The following IPO7 variants were observed in gnomAD, a reference collection of about 807,000 sequenced individuals.
IPO7 encodes importin-7.
IPO7 carries 13 observed loss-of-function variants against 136.4 expected under a neutral mutation model. The observed-to-expected ratio is 0.10, with a 90% CI of 0.06 to 0.15. IPO7 has a LOEUF of 0.15. Among genes scored for constraint, IPO7 ranks in the 10% least tolerant of loss-of-function variants. The probability of loss-of-function intolerance (pLI) is 1.00; values close to 1 mark genes in which losing one functional copy is unlikely to be tolerated. For synonymous variants in IPO7, 403 were observed against 404.4 expected (o/e 1.00, Z 0.04); for missense variants, 857 against 1,240.6 (o/e 0.69, Z 4.65).
At chr11:9,404,456 G>A (rs1317448120) in intron 2 of IPO7, among the ~76,000 whole-genome samples, 1 of 151,066 alleles carries the variant, frequency 6.6e-6, no homozygotes, top group East Asian at 2.0e-4. Context: ...CAGAGTGAGA[G>A]ACCATCTCAA....
rs753431527 is a variant in IPO7 at position 9,440,664 on chromosome 11, A to C, written c.2902+3A>C. The C allele has an allele frequency of 3.8e-6, 6 of 1,594,608 alleles. No homozygotes were observed. The highest frequency in any genetic ancestry group is 5.2e-6 in the Non-Finnish European group (6 of 1,162,692). The stretch of plus-strand genomic sequence containing the variant: ...GATATTTAAAGCTATCTTTCAAAGT[A>C]AGTCAACTTGTTACATGTGGATCCA... On this transcript the variant is annotated splice_donor_region_variant and intron_variant, in intron 23 of 24. Coordinates refer to ENST00000379719, the MANE Select transcript of IPO7 (RefSeq NM_006391.3).
At chr11:9,388,544 T>C (rs1052288197) in intron 1 of IPO7, among the ~76,000 whole-genome samples, 5 of 150,356 alleles carry the variant, frequency 3.3e-5, no homozygotes, top group African/African-American at 1.2e-4. Flanking sequence ...AGTGGCACCA[T>C]CATGGCTCAC....
At chr11:9,397,341 A>AAAAAAAAAAAT in intron 1 of IPO7, among the ~76,000 whole-genome samples, 1 of 10,762 alleles carries the variant, frequency 9.3e-5, no homozygotes, top group Non-Finnish European at 1.8e-4. Context: ...TTTAAAAAAA[A>AAAAAAAAAAAT]ATATATATAT....
rs180972936 is a variant in IPO7 at position 9,407,216 on chromosome 11, A to G, written c.167-1270A>G. On this transcript the variant is annotated intron_variant, in intron 2 of 24. Coordinates refer to ENST00000379719, the MANE Select transcript of IPO7 (RefSeq NM_006391.3). ...TGGAGAAAAAGAACCAAAATTCTGTAGTAGTAATAACCTGGACTTTGTTGG... is the reference window on the plus strand; with the variant it reads ...TGGAGAAAAAGAACCAAAATTCTGTGGTAGTAATAACCTGGACTTTGTTGG... Among the ~76,000 whole-genome samples, 25 of 152,338 alleles carry G rather than the reference A, an allele frequency of 1.6e-4. No homozygotes were observed. In the South Asian group the frequency reaches 4.8e-3, roughly 29 times the overall value.
intron 14 of IPO7, 69 bp from the exon 15 acceptor site, chr11:9,429,605 A>T: frequency 7.8e-7 from 1 of 1,274,954 alleles, no homozygotes. Flanking sequence ...AAACTCATCG[A>T]TATTTGTTAT....
rs1411949394 is a variant in IPO7 at position 9,447,177 on chromosome 11, A to T, written c.*1983A>T. 1.3e-5 allele frequency: 2 copies of T among 152,210 alleles called. No individual in the cohort carries two copies. The highest frequency in any genetic ancestry group is 2.9e-5 in the Non-Finnish European group (2 of 68,024). The allele number at this position is 152,210 out of a possible 1,614,324, so 9.4% of individuals were successfully genotyped here. A position where few individuals can be genotyped will look rare whatever the true frequency, so the allele number is the denominator to read the frequency against. ...TCAGACTTCACTGCTTTTTGAATTC[A>T]TAATTCTAATTTTCACATTATTGTT... On this transcript the variant is annotated 3_prime_UTR_variant, in exon 25 of 25. Coordinates refer to ENST00000379719, the MANE Select transcript of IPO7 (RefSeq NM_006391.3).
intron 22 of IPO7, among the ~76,000 whole-genome samples, chr11:9,438,983 A>T (rs1477880044): frequency 6.6e-6 from 1 of 152,164 alleles, no homozygotes; most frequent in Non-Finnish European, 1.5e-5. Flanking sequence ...GCGAGAGATT[A>T]TAGTTCCCTT....
At chr11:9,386,693 A>C (rs1176233268) in intron 1 of IPO7, among the ~76,000 whole-genome samples, 1 of 152,202 alleles carries the variant, frequency 6.6e-6, no homozygotes, top group African/African-American at 2.4e-5. Flanking sequence ...ATGCACTAAC[A>C]TCTTGTAGTA....
At chr11:9,417,370 T>C (rs1474657507) in intron 6 of IPO7, among the ~76,000 whole-genome samples, 1 of 152,144 alleles carries the variant, frequency 6.6e-6, no homozygotes, top group Non-Finnish European at 1.5e-5. Flanking sequence ...AAATATATTA[T>C]TGGTTTAATT....
Position 9,447,731 on chromosome 11 carries a change from CTT to C in IPO7, c.*2540_*2541del, listed in dbSNP as rs975206472. On this transcript the variant is annotated 3_prime_UTR_variant, in exon 25 of 25. Coordinates refer to ENST00000379719, the MANE Select transcript of IPO7 (RefSeq NM_006391.3). ...TAATGGCACATATTAGCATAAATCACTTTTGTAAATGTAAGCTTTCTTTTTTT... is the reference window on the plus strand; with the variant it reads ...TAATGGCACATATTAGCATAAATCACTTGTAAATGTAAGCTTTCTTTTTTT... 2 of 151,900 alleles carry C rather than the reference CTT, an allele frequency of 1.3e-5. No homozygotes were observed. The highest frequency in any genetic ancestry group is 4.8e-5 in the African/African-American group (2 of 41,334). The allele number at this position is 151,900 out of a possible 1,614,324, so 9.4% of individuals were successfully genotyped here.
chr11:9,447,771 C>G lies in IPO7; in HGVS notation c.*2577C>G, dbSNP rs1386087971. ...GCTTTCTTTTTTTTTCTTGAAAAAG[C>G]CTTTCTATTTATCAGTATTAAATAA... On this transcript the variant is annotated 3_prime_UTR_variant, in exon 25 of 25. Coordinates refer to ENST00000379719, the MANE Select transcript of IPO7 (RefSeq NM_006391.3). 2 of 151,642 alleles carry G rather than the reference C, an allele frequency of 1.3e-5. No individual in the cohort carries two copies. Among genetic ancestry groups the G allele is most frequent in the Non-Finnish European group, 1.5e-5 (1 of 67,954 alleles). 9.4% of individuals were successfully genotyped at this position (151,642 alleles called of 1,614,324 possible).
chr11:9,385,162 G>A (rs1231059720), intron 1 of IPO7, among the ~76,000 whole-genome samples: 1 of 152,162 alleles, frequency 6.6e-6, no homozygotes, highest in African/African-American at 2.4e-5. Flanking sequence ...GCCGACCTCT[G>A]GCTCATTCCC....
intron 22 of IPO7, among the ~76,000 whole-genome samples, chr11:9,439,747 G>T (rs1855435167): frequency 6.6e-6 from 1 of 151,758 alleles, no homozygotes; most frequent in Non-Finnish European, 1.5e-5. Flanking sequence ...GCTAATTTTT[G>T]TATTTTTAGT....
In IPO7 at chr11:9,447,388, T is replaced by A. The variant is rs544135186; in HGVS notation, c.*2194T>A. The A allele has an allele frequency of 2.6e-5, 4 of 152,322 alleles. No individual in the cohort carries two copies. The highest frequency in any genetic ancestry group is 5.9e-5 in the Non-Finnish European group (4 of 68,014). 9.4% of individuals were successfully genotyped at this position (152,322 alleles called of 1,614,324 possible). On this transcript the variant is annotated 3_prime_UTR_variant, in exon 25 of 25. Transcript: ENST00000379719. ...GACTTTAACTTGAAATTAGACCTTA[T>A]AATTAAACTATTTAAATAGTGTTCA...
intron 1 of IPO7, among the ~76,000 whole-genome samples, chr11:9,397,040 TCTATTA>T (rs1207411228): frequency 6.6e-6 from 1 of 151,844 alleles, no homozygotes; most frequent in Non-Finnish European, 1.5e-5. Flanking sequence ...TTTTCTGACT[TCTATTA>T]CTATAGGTTA....
intron 23 of IPO7, among the ~76,000 whole-genome samples, chr11:9,441,381 G>A (rs770006900): frequency 9.9e-5 from 15 of 152,148 alleles, no homozygotes; most frequent in Non-Finnish European, 1.8e-4. Flanking sequence ...TACCATCCAC[G>A]TTAAGAAATT....
intron 1 of IPO7, among the ~76,000 whole-genome samples, chr11:9,401,066 A>C (rs1854788115): frequency 1.3e-5 from 2 of 152,028 alleles, no homozygotes; most frequent in African/African-American, 4.8e-5. Context: ...CTGTAATCCC[A>C]GCTACTCTGG....
At chr11:9,395,460 T>C (rs941315200) in intron 1 of IPO7, among the ~76,000 whole-genome samples, 67 of 151,870 alleles carry the variant, frequency 4.4e-4, no homozygotes, top group African/African-American at 1.6e-3. Flanking sequence ...AGGCTGGTCT[T>C]GAACTCCTGA....
intron 1 of IPO7, among the ~76,000 whole-genome samples, chr11:9,385,286 GTCCTTTGGGGGCTGCGCCTGT>G (rs1854536410): frequency 6.6e-6 from 1 of 152,210 alleles, no homozygotes; most frequent in African/African-American, 2.4e-5. Context: ...ATGCCGGCTG[GTCCTTTGGGGGCTGCGCCTGT>G]CATCCTTGTC....
Sources: allele counts gnomAD v4.1 joint callset (sites outside exome capture counted in the v4.1 genomes callset), GRCh38; gene constraint gnomAD v4.1.1; transcripts MANE v1.5; gene names NCBI Gene and HGNC (gene_info 2026-07-23, HGNC 2026-07-21).